KRT34: variants seen among roughly 807,000 people sequenced by gnomAD.
KRT34 encodes the protein keratin, type I cuticular Ha4.
Under a neutral mutation model 41.7 loss-of-function variants are expected in KRT34, and 31 were observed. The observed-to-expected ratio is 0.74, with a 90% CI of 0.56 to 1.00. The LOEUF (loss-of-function observed/expected upper bound fraction) is 1.00. Ranked by LOEUF, KRT34 falls within the 50% of genes least tolerant of loss-of-function variation. The pLI is 0.00. For synonymous variants in KRT34, 224 were observed against 212.9 expected (o/e 1.05, Z -0.45); for missense variants, 523 against 500.3 (o/e 1.05, Z -0.43).
chr17:41,382,785 A>G (rs979374073), upstream of KRT34, among the ~76,000 whole-genome samples: 2 of 152,190 alleles, frequency 1.3e-5, no homozygotes, highest in Non-Finnish European at 2.9e-5. Context: ...GCAGAAACTC[A>G]ACCTGTATTC....
upstream of KRT34, chr17:41,382,444 C>G (rs552933819): frequency 8.1e-7 from 1 of 1,236,344 alleles, no homozygotes; most frequent in African/African-American, 1.5e-5. Flanking sequence ...AAGAGTCCCC[C>G]CTCAACCCAT....
At chr17:41,378,762 C>T (rs894529379) in intron 6 of KRT34, among the ~76,000 whole-genome samples, 194 bp downstream of exon 6, 9 of 152,340 alleles carry the variant, frequency 5.9e-5, no homozygotes, top group South Asian at 2.1e-4. Context: ...CACCACTCCT[C>T]CATTGTTAGC....
At chr17:41,382,799 G>A (rs1368746226), upstream of KRT34, among the ~76,000 whole-genome samples, 4 of 152,132 alleles carry the variant, frequency 2.6e-5, no homozygotes, top group Admixed American at 6.5e-5. Context: ...TGTATTCGCC[G>A]AAATGATCCT....
At chr17:41,383,207 T>G (rs896158359), upstream of KRT34, among the ~76,000 whole-genome samples, 5 of 152,022 alleles carry the variant, frequency 3.3e-5, no homozygotes, top group Admixed American at 2.6e-4. Context: ...TTAGCAGAAA[T>G]GGGGTTTCAC....
At chr17:41,380,353 T>C (rs567357364) in intron 3 of KRT34, among the ~76,000 whole-genome samples, 1 of 152,188 alleles carries the variant, frequency 6.6e-6, no homozygotes, top group Non-Finnish European at 1.5e-5. Flanking sequence ...ACGTCAATTG[T>C]TGTCCCATAG....
At chr17:41,378,433 G>T (rs2017886877) in intron 6 of KRT34, among the ~76,000 whole-genome samples, 1 of 152,116 alleles carries the variant, frequency 6.6e-6, no homozygotes, top group African/African-American at 2.4e-5. Flanking sequence ...AGGATCACAG[G>T]CATGCGTCAC....
intron 3 of KRT34, among the ~76,000 whole-genome samples, chr17:41,380,119 C>T (rs1392871841): frequency 2.0e-5 from 3 of 152,088 alleles, no homozygotes. Flanking sequence ...ATTAGCTGGG[C>T]GTGGTGGCAT....
rs768075825 is a variant in KRT34 at position 41,381,781 on chromosome 17, C to T, written c.363G>A (p.Lys121=). The change falls in exon 2 of 7, where the codon AAG becomes AAA. Residue 121 remains lysine (K), a synonymous_variant. Transcript: ENST00000394001. ...TCACCACCAGCCTGGCATTCTCAGC[C>T]TTGGCACACAGAATCTGAAAAGAAA... ...EELQQKILCA[K]AENARLVVNI... The T allele has an allele frequency of 3.1e-6, 5 of 1,614,126 alleles. No individual in the cohort carries two copies. The highest frequency in any genetic ancestry group is 4.2e-6 in the Non-Finnish European group (5 of 1,180,048).
chr17:41,381,786 C>T lies in KRT34; in HGVS notation c.358G>A (p.Ala120Thr). 6.2e-7 allele frequency: 1 copy of T among 1,614,210 alleles called. No individual in the cohort carries two copies. The highest frequency in any genetic ancestry group is 8.5e-7 in the Non-Finnish European group (1 of 1,180,024). Residue 120 changes from alanine (A) to threonine (T), a missense_variant, in exon 2 of 7, where the codon GCC (alanine) becomes ACC (threonine). Physicochemically the swap from Ala to Thr is moderately conservative, Grantham distance 58. Transcript: ENST00000394001. ...ACCAGCCTGGCATTCTCAGCCTTGG[C>T]ACACAGAATCTGAAAAGAAATTTCT... is the stretch of plus-strand genomic sequence containing the variant. ...IEELQQKILC[A>T]KAENARLVVN...
chr17:41,382,862 GA>G (rs1297336639), upstream of KRT34, among the ~76,000 whole-genome samples: 5 of 152,148 alleles, frequency 3.3e-5, no homozygotes, highest in African/African-American at 7.2e-5. Context: ...TGGAGCAACT[GA>G]AAACAATGGC....
chr17:41,383,143 C>T (rs562230361), upstream of KRT34, among the ~76,000 whole-genome samples: 88 of 152,068 alleles, frequency 5.8e-4, no homozygotes, highest in African/African-American at 2.0e-3. Context: ...CTCAGCCCCC[C>T]GAGTAGCTGG....
At position 41,379,326 on chromosome 17, in the gene KRT34, T is replaced by C. The variant is rs778954174; in HGVS notation, c.876+27A>G. 1.9e-6 allele frequency: 3 copies of C among 1,613,070 alleles called. No homozygotes were observed. The East Asian group carries it at 6.7e-5, about 36-fold the overall frequency. ...ACTCTGCCTCCCAAGTTCCCATCGC[T>C]CACCAGCAGGTCTGAACAATACACA... On this transcript the variant is annotated intron_variant, in intron 5 of 6. Coordinates refer to ENST00000394001, the MANE Select transcript of KRT34 (RefSeq NM_001386014.1).
At chr17:41,382,330 C>T (rs773233349), upstream of KRT34, 4 of 1,613,278 alleles carry the variant, frequency 2.5e-6, no homozygotes, top group Non-Finnish European at 3.4e-6. Flanking sequence ...CTCTGCAGTC[C>T]TTTTATACCA....
intron 6 of KRT34, 151 bp downstream of exon 6, chr17:41,378,805 G>T (rs1198722230): frequency 2.7e-6 from 3 of 1,129,428 alleles, no homozygotes; most frequent in African/African-American, 1.5e-5. Flanking sequence ...CTTACCTTTG[G>T]CCTCCCTTTG....
intron 6 of KRT34, among the ~76,000 whole-genome samples, chr17:41,378,417 G>A (rs1460519913): frequency 6.6e-6 from 1 of 152,162 alleles, no homozygotes; most frequent in Non-Finnish European, 1.5e-5. Context: ...AGCCTCCCAA[G>A]TAGTTAGGAT....
At chr17:41,379,285 C>T in intron 5 of KRT34, 68 bp downstream of exon 5, 2 of 1,611,002 alleles carry the variant, frequency 1.2e-6, no homozygotes, top group East Asian at 2.2e-5. Flanking sequence ...TGTGTGGCCC[C>T]AAGCACATCC....
Position 41,379,665 on chromosome 17 carries a change from C to T in KRT34, c.655G>A (p.Val219Met), listed in dbSNP as rs201451902. Residue 219 changes from valine (V) to methionine (M), a missense_variant, in exon 4 of 7, where the codon GTG (valine) becomes ATG (methionine). Coordinates refer to ENST00000394001, the MANE Select transcript of KRT34 (RefSeq NM_001386014.1). ...TCGTTCAGGACCTGGTTCAGGTCCA[C>T]AGTGGGGGCAGTGTCCACCTCCACG... is the stretch of plus-strand genomic sequence containing the variant. ...LNVEVDTAPT[V>M]DLNQVLNETR... 72 of 1,614,036 alleles carry T rather than the reference C, an allele frequency of 4.5e-5. No individual in the cohort carries two copies. Among genetic ancestry groups the T allele is most frequent in the Non-Finnish European group, 4.0e-5 (47 of 1,179,996 alleles).
rs138365209 is a variant in KRT34 at position 41,378,128 on chromosome 17, G to T, written c.1116C>A (p.Cys372Ter). 3 of 1,613,324 alleles carry T rather than the reference G, an allele frequency of 1.9e-6. No individual in the cohort carries two copies. In the East Asian group the frequency reaches 6.7e-5, roughly 36 times the overall value. The part of the protein sequence containing the change: ...SEDCKLPCNP[C>*]ATTNASGNSC... ...AGTTGCCACTAGCATTGGTGGTGGC[G>T]CATGGGTTGCAGGGGAGCCTAGGAG... The change falls in exon 7 of 7, where the codon TGC (cysteine) becomes TGA (stop). Residue 372 changes from cysteine (C) to a stop codon, truncating the protein, a stop_gained. Coordinates refer to ENST00000394001, the MANE Select transcript of KRT34 (RefSeq NM_001386014.1). LOFTEE classifies it high-confidence loss of function.
chr17:41,380,446 T>C (rs989969733), intron 3 of KRT34, among the ~76,000 whole-genome samples: 6 of 152,130 alleles, frequency 3.9e-5, no homozygotes, highest in Admixed American at 2.0e-4. Context: ...TCCCATCACA[T>C]CTTCACTTTC....
Sources: gnomAD v4.1 joint callset for allele counts (sites outside exome capture counted in the v4.1 genomes callset) on GRCh38, gnomAD v4.1.1 for gene constraint, MANE v1.5 for transcripts, NCBI Gene and HGNC (gene_info 2026-07-23, HGNC 2026-07-21) for gene names.